The following B4GALT6 variants were observed in gnomAD, a reference collection of about 807,000 sequenced individuals.
B4GALT6 encodes beta-1,4-galactosyltransferase 6.
Under a neutral mutation model 46.3 loss-of-function variants are expected in B4GALT6, and 14 were observed. The ratio of observed to expected loss-of-function variants is 0.30; its 90% CI spans 0.20 to 0.47. The LOEUF (loss-of-function observed/expected upper bound fraction) is 0.47, where lower values mean the gene tolerates loss of function less well. Among genes scored for constraint, B4GALT6 ranks in the 20% least tolerant of loss-of-function variants. B4GALT6 has a pLI of 0.99. For synonymous variants in B4GALT6, 168 were observed against 162.0 expected (o/e 1.04, Z -0.28); for missense variants, 386 against 480.1 (o/e 0.80, Z 1.83).
chr18:31,697,948 T>C, the B4GALT6 span, among the ~76,000 whole-genome samples: 1 of 152,242 alleles, frequency 6.6e-6, no homozygotes, highest in East Asian at 1.9e-4. Flanking sequence ...TTCTCAATAA[T>C]GTGTTTTCAT....
chr18:31,710,091 T>C, the B4GALT6 span, among the ~76,000 whole-genome samples: 2 of 141,234 alleles, frequency 1.4e-5, no homozygotes, highest in Non-Finnish European at 3.0e-5. Context: ...AGAGACTTTA[T>C]CTCAAAAAAA....
At chr18:31,661,245 G>T (rs2074211942) in intron 2 of B4GALT6, among the ~76,000 whole-genome samples, 1 of 152,106 alleles carries the variant, frequency 6.6e-6, no homozygotes, top group East Asian at 1.9e-4. Flanking sequence ...AGGAAAAATT[G>T]GGGTGAGACT....
intron 5 of B4GALT6, 118 bp from the exon 6 acceptor site, chr18:31,631,264 G>A: frequency 1.9e-6 from 2 of 1,076,386 alleles, no homozygotes; most frequent in Non-Finnish European, 2.5e-6. Flanking sequence ...ATGTTGGCCA[G>A]GCTGGTCTCG....
chr18:31,723,157 T>A, the B4GALT6 span, among the ~76,000 whole-genome samples: 1 of 152,216 alleles, frequency 6.6e-6, no homozygotes, highest in Admixed American at 6.5e-5. Flanking sequence ...TGTTAATGTT[T>A]TTCTTATTGG....
intron 2 of B4GALT6, among the ~76,000 whole-genome samples, chr18:31,665,498 C>T (rs1203387237): frequency 6.6e-6 from 1 of 151,948 alleles, no homozygotes; most frequent in Non-Finnish European, 1.5e-5. Flanking sequence ...CCAGCACTTT[C>T]GGAGGCTGAA....
intron 6 of B4GALT6, among the ~76,000 whole-genome samples, chr18:31,628,589 T>G: frequency 6.6e-6 from 1 of 152,208 alleles, no homozygotes; most frequent in East Asian, 1.9e-4. Context: ...TTGCAGTGTT[T>G]ATCTTACACT....
intron 3 of B4GALT6, among the ~76,000 whole-genome samples, chr18:31,655,213 T>C (rs938202734): frequency 6.6e-6 from 1 of 152,254 alleles, no homozygotes; most frequent in Non-Finnish European, 1.5e-5. Flanking sequence ...AGCCTCGTTA[T>C]GTTGGCTGTA....
At chr18:31,627,939 C>A (rs186507398) in intron 6 of B4GALT6, among the ~76,000 whole-genome samples, 3 of 152,296 alleles carry the variant, frequency 2.0e-5, no homozygotes, top group South Asian at 4.1e-4. Flanking sequence ...GCAGAGAAAA[C>A]GTGACCATGC....
intron 2 of B4GALT6, among the ~76,000 whole-genome samples, chr18:31,663,807 T>C (rs113203474): frequency 0.032 from 4,856 of 152,330 alleles, 86 homozygotes; most frequent in Middle Eastern, 0.085. Flanking sequence ...ATCCTCATAT[T>C]AAAGGAGACT....
chr18:31,689,529 G>A (rs984618290), upstream of B4GALT6, among the ~76,000 whole-genome samples: 2 of 152,152 alleles, frequency 1.3e-5, no homozygotes, highest in African/African-American at 4.8e-5. Context: ...TGGATCACGA[G>A]ATCAGGAGTT....
At chr18:31,680,030 T>C (rs1489958321) in intron 1 of B4GALT6, among the ~76,000 whole-genome samples, 1 of 152,164 alleles carries the variant, frequency 6.6e-6, no homozygotes, top group Non-Finnish European at 1.5e-5. Context: ...TGACATTTCC[T>C]GTTACTCACA....
At chr18:31,687,200 A>T (rs753839409), upstream of B4GALT6, among the ~76,000 whole-genome samples, 2 of 152,244 alleles carry the variant, frequency 1.3e-5, no homozygotes, top group Non-Finnish European at 2.9e-5. Flanking sequence ...TAGTCGGTGC[A>T]GCCATTGTTG....
At chr18:31,718,593 A>T in the B4GALT6 span, among the ~76,000 whole-genome samples, 1 of 152,124 alleles carries the variant, frequency 6.6e-6, no homozygotes, top group Non-Finnish European at 1.5e-5. Flanking sequence ...GCCAGCCCCG[A>T]CTTCCATATC....
At chr18:31,648,616 A>G (rs189628112) in intron 3 of B4GALT6, among the ~76,000 whole-genome samples, 1 of 152,368 alleles carries the variant, frequency 6.6e-6, no homozygotes, top group African/African-American at 2.4e-5. Context: ...ATATGCAGCA[A>G]TGCTGCCCAT....
chr18:31,625,486 C>G lies in B4GALT6; in HGVS notation c.*128G>C. Reference sequence around the variant, plus strand: ...TGTATATAGTCCCACTCTGTAAACACTGTGGACTGCTGGCTCTTCTCAGAG... The same window carrying G: ...TGTATATAGTCCCACTCTGTAAACAGTGTGGACTGCTGGCTCTTCTCAGAG... On this transcript the variant is annotated 3_prime_UTR_variant, in exon 9 of 9. Coordinates refer to ENST00000306851, the MANE Select transcript of B4GALT6 (RefSeq NM_004775.5). 1 of 1,010,572 alleles carries G rather than the reference C, an allele frequency of 9.9e-7. No individual in the cohort carries two copies. The highest frequency in any genetic ancestry group is 1.4e-5 in the South Asian group (1 of 69,974). The allele number at this position is 1,010,572 out of a possible 1,614,324, so 62.6% of individuals were successfully genotyped here. A position where few individuals can be genotyped will look rare whatever the true frequency, so the allele number is the denominator to read the frequency against.
intron 3 of B4GALT6, among the ~76,000 whole-genome samples, chr18:31,648,649 G>T (rs550218379): frequency 1.3e-5 from 2 of 152,242 alleles, no homozygotes; most frequent in East Asian, 3.9e-4. Context: ...GGCATGCATG[G>T]GCCCAAACAA....
At chr18:31,651,666 C>G (rs1241771881) in intron 3 of B4GALT6, among the ~76,000 whole-genome samples, 2 of 152,140 alleles carry the variant, frequency 1.3e-5, no homozygotes, top group Non-Finnish European at 2.9e-5. Flanking sequence ...TGAGGCTTTC[C>G]ATGCTCACTC....
intron 1 of B4GALT6, among the ~76,000 whole-genome samples, chr18:31,682,620 G>A (rs1291449026): frequency 6.6e-6 from 1 of 151,964 alleles, no homozygotes; most frequent in South Asian, 2.1e-4. Context: ...TAAAAAAAAA[G>A]GGATGACTAG....
chr18:31,703,736 A>G, the B4GALT6 span, among the ~76,000 whole-genome samples: 2 of 152,238 alleles, frequency 1.3e-5, no homozygotes, highest in South Asian at 4.1e-4. Flanking sequence ...TGTGTGATAC[A>G]TAGAGAATTA....
Sources: gnomAD v4.1 joint callset for allele counts (sites outside exome capture counted in the v4.1 genomes callset) on GRCh38, gnomAD v4.1.1 for gene constraint, MANE v1.5 for transcripts, NCBI Gene and HGNC (gene_info 2026-07-23, HGNC 2026-07-21) for gene names.